The following ZFHX3 variants were observed in gnomAD, a reference collection of about 807,000 sequenced individuals.
ZFHX3 encodes zinc finger homeobox 3, also known as zinc finger homeobox protein 3.
Under a neutral mutation model 279.1 loss-of-function variants are expected in ZFHX3, and 42 were observed. That is an observed-to-expected ratio of 0.15 (90% CI 0.12 to 0.19). ZFHX3 has a LOEUF of 0.19. ZFHX3 is among the 10% of genes least tolerant of loss of function. The pLI is 1.00. For synonymous variants in ZFHX3, 2,293 were observed against 1,957.8 expected, an observed-to-expected ratio of 1.17 and a Z score of -4.52; for missense variants, 4,981 against 4,754.0, an observed-to-expected ratio of 1.05 and a Z score of -1.40.
intron 3 of ZFHX3, among the ~76,000 whole-genome samples, chr16:73,442,737 C>CAGATTTGA (rs1324443157): frequency 6.6e-6 from 1 of 152,048 alleles, no homozygotes; most frequent in Non-Finnish European, 1.5e-5. Flanking sequence ...CCAAAAGGGC[C>CAGATTTGA]AGATTTGAAT....
rs762801000 is a variant in ZFHX3 at position 72,957,843 on chromosome 16, T to C, written c.2303A>G (p.His768Arg). Reference sequence around the variant, plus strand: ...CGCCGCCGCCGCCGCCCCGGCAGTGTGGCTGAAGACCTGCTCCCCCCCTCC... The same window carrying C: ...CGCCGCCGCCGCCGCCCCGGCAGTGCGGCTGAAGACCTGCTCCCCCCCTCC... Reference protein sequence around the residue: ...QNGGGEQVFSHTAGAAAAAVA... With the variant: ...QNGGGEQVFSRTAGAAAAAVA... Residue 768 changes from histidine (H) to arginine (R), a missense_variant, in exon 2 of 10, where the codon CAC becomes CGC. This residue lies in a region of ZFHX3 where 1,751 missense variants were observed against 1,770.0 expected (regional missense o/e 0.99). Coordinates refer to ENST00000268489, the MANE Select transcript of ZFHX3 (RefSeq NM_006885.4). The C allele has an allele frequency of 3.1e-6, 5 of 1,613,146 alleles. No homozygotes were observed. Among genetic ancestry groups the C allele is most frequent in the Non-Finnish European group, 4.2e-6 (5 of 1,179,624 alleles).
At chr16:73,728,015 G>GCCCCCCCCCCCCC (rs3049673) in intron 1 of ZFHX3, among the ~76,000 whole-genome samples, 81 of 75,426 alleles carry the variant, frequency 1.1e-3, no homozygotes, top group Non-Finnish European at 1.5e-3. Flanking sequence ...GCCGAATTGT[G>GCCCCCCCCCCCCC]CCCCCCCCCC....
chr16:73,727,741 A>G (rs1183303612), intron 1 of ZFHX3, among the ~76,000 whole-genome samples: 1 of 152,114 alleles, frequency 6.6e-6, no homozygotes, highest in Non-Finnish European at 1.5e-5. Flanking sequence ...TCCAGCCTTG[A>G]ATGTCACTGT....
intron 3 of ZFHX3, among the ~76,000 whole-genome samples, chr16:73,324,076 G>A (rs944731063): frequency 1.3e-5 from 2 of 152,222 alleles, no homozygotes; most frequent in African/African-American, 4.8e-5. Flanking sequence ...AGGAACTAGA[G>A]TAGCTGACAA....
At chr16:72,966,936 T>A (rs1961870875) in intron 1 of ZFHX3, among the ~76,000 whole-genome samples, 3 of 152,208 alleles carry the variant, frequency 2.0e-5, no homozygotes, top group Admixed American at 2.0e-4. Context: ...AGAAGGGGAT[T>A]GTGCTATGGC....
chr16:73,730,168 T>G (rs1168975994), intron 1 of ZFHX3, among the ~76,000 whole-genome samples: 2 of 151,984 alleles, frequency 1.3e-5, no homozygotes, highest in Non-Finnish European at 2.9e-5. Flanking sequence ...ATCAATGTGT[T>G]GAAAAATTTG....
In ZFHX3 at chr16:73,094,941, C is replaced by A. The variant is rs143226981; in HGVS notation, c.-896-1343G>T. Reference sequence around the variant, plus strand: ...GCCAGGCTAGTCTCAAACTCCTGACCTCAGGTGATCTGCCCACCTCAGCCT... The same window carrying A: ...GCCAGGCTAGTCTCAAACTCCTGACATCAGGTGATCTGCCCACCTCAGCCT... On this transcript the variant is annotated intron_variant, in intron 7 of 17. Coordinates refer to the ZFHX3 transcript ENST00000641206. Among the ~76,000 whole-genome samples the A allele has an allele frequency of 2.4e-4, 36 of 152,242 alleles. No homozygotes were observed. In the East Asian group the frequency reaches 6.8e-3, roughly 29 times the overall value.
At chr16:73,135,416 C>T (rs981537760) in intron 6 of ZFHX3, among the ~76,000 whole-genome samples, 5 of 152,138 alleles carry the variant, frequency 3.3e-5, no homozygotes, top group South Asian at 4.1e-4. Context: ...TATTTTCTTT[C>T]GTGGATGGGA....
intron 1 of ZFHX3, among the ~76,000 whole-genome samples, chr16:73,043,783 T>C (rs1008913758): frequency 1.3e-5 from 2 of 152,246 alleles, no homozygotes; most frequent in Admixed American, 1.3e-4. Flanking sequence ...TTTACCATAT[T>C]AGCCCAAAGA....
intron 4 of ZFHX3, among the ~76,000 whole-genome samples, chr16:72,858,945 C>T (rs1389962310): frequency 1.3e-5 from 2 of 152,220 alleles, no homozygotes; most frequent in Non-Finnish European, 2.9e-5. Flanking sequence ...CCCAGCTCAA[C>T]TTCGCTTTCT....
chr16:73,132,295 G>C (rs918602107), intron 6 of ZFHX3, among the ~76,000 whole-genome samples: 1 of 151,956 alleles, frequency 6.6e-6, no homozygotes, highest in Non-Finnish European at 1.5e-5. Context: ...AAAAAAAAGA[G>C]TGGAGAGGGG....
intron 2 of ZFHX3, among the ~76,000 whole-genome samples, chr16:73,663,519 A>T (rs191858818): frequency 6.6e-6 from 1 of 152,204 alleles, no homozygotes; most frequent in African/African-American, 2.4e-5. Flanking sequence ...AAAGCCACAA[A>T]CTTGCTCTCA....
rs371009624 is a variant in ZFHX3, at chr16:73,682,934, G to GAA, written c.-1607-2696_-1607-2695dup. On this transcript the variant is annotated intron_variant, in intron 1 of 17. Transcript: ENST00000641206. Reference sequence around the variant, plus strand: ...AAAGAAAGAGAGAAAGAGAAAGAAAGAAAGAAAGAAAGAAAGAAAGAAAGA... The same window carrying GAA: ...AAAGAAAGAGAGAAAGAGAAAGAAAGAAAAAGAAAGAAAGAAAGAAAGAAAGA... Among the ~76,000 whole-genome samples the GAA allele has an allele frequency of 2.6e-4, 5 of 19,524 alleles. 1 individual carries two copies. Among genetic ancestry groups the GAA allele is most frequent in the African/African-American group, 8.5e-4 (5 of 5,908 alleles). The allele number at this position is 19,524 out of a possible 152,430, so 12.8% of individuals were successfully genotyped here. A position where few individuals can be genotyped will look rare whatever the true frequency, so the allele number is the denominator to read the frequency against.
intron 4 of ZFHX3, among the ~76,000 whole-genome samples, chr16:72,871,113 G>C (rs751283995): frequency 3.9e-5 from 6 of 152,138 alleles, no homozygotes; most frequent in African/African-American, 1.2e-4. Context: ...GCAGGTGAGA[G>C]AATTTTCTTA....
rs542110228 is a variant in ZFHX3, at chr16:72,899,512, A to T, written c.3217-9550T>A. The stretch of plus-strand genomic sequence containing the variant: ...CTTTAAAAATCACCCAGTCTCGGGT[A>T]TGTCTTTATTAATAGCGTGAGAACG... On this transcript the variant is annotated intron_variant, in intron 3 of 9. Coordinates refer to ENST00000268489, the MANE Select transcript of ZFHX3 (RefSeq NM_006885.4). Among the ~76,000 whole-genome samples the T allele has an allele frequency of 8.5e-4, 129 of 152,304 alleles. 1 individual carries two copies. The highest frequency in any genetic ancestry group is 3.1e-3 in the African/African-American group (129 of 41,582).
intron 5 of ZFHX3, among the ~76,000 whole-genome samples, chr16:73,170,866 C>A (rs1435892968): frequency 6.6e-6 from 1 of 152,094 alleles, no homozygotes; most frequent in African/African-American, 2.4e-5. Flanking sequence ...CAAGTGCCCT[C>A]ATGTGCCCCA....
At chr16:73,742,646 A>G (rs2142261516) in intron 1 of ZFHX3, among the ~76,000 whole-genome samples, 1 of 152,328 alleles carries the variant, frequency 6.6e-6, no homozygotes, top group Admixed American at 6.5e-5. Context: ...TATGTATATA[A>G]CAGCACCTTA....
At chr16:73,402,966 T>C (rs77752885) in intron 3 of ZFHX3, among the ~76,000 whole-genome samples, 1,970 of 150,616 alleles carry the variant, frequency 0.013, 49 homozygotes, top group African/African-American at 0.046. Context: ...TAAGAGGTAA[T>C]AGAGAGAGCT....
intron 3 of ZFHX3, among the ~76,000 whole-genome samples, chr16:73,330,479 T>C (rs1466659066): frequency 6.6e-6 from 1 of 152,220 alleles, no homozygotes; most frequent in Non-Finnish European, 1.5e-5. Context: ...TCTTTTGCAC[T>C]GAGTGCCACA....
Sources: allele counts gnomAD v4.1 joint callset (sites outside exome capture counted in the v4.1 genomes callset), GRCh38; gene constraint gnomAD v4.1.1; regional missense constraint gnomAD v4.1.1; transcripts MANE v1.5; gene names NCBI Gene and HGNC (gene_info 2026-07-23, HGNC 2026-07-21).